The following SFI1 variants were observed in gnomAD, a reference collection of about 807,000 sequenced individuals.
SFI1 encodes protein SFI1 homolog.
Under a neutral mutation model 207.5 loss-of-function variants are expected in SFI1, and 195 were observed. The ratio of observed to expected loss-of-function variants is 0.94; its 90% CI spans 0.84 to 1.06. The LOEUF (loss-of-function observed/expected upper bound fraction) is 1.06. Ranked by LOEUF, SFI1 falls within the 50% of genes least tolerant of loss-of-function variation. SFI1 has a pLI of 0.00. For synonymous variants in SFI1, 630 were observed against 598.9 expected (o/e 1.05, Z -0.76); for missense variants, 1,634 against 1,588.0 (o/e 1.03, Z -0.49).
intron 15 of SFI1, among the ~76,000 whole-genome samples, chr22:31,593,434 T>C (rs913563192): frequency 3.1e-5 from 4 of 130,892 alleles, no homozygotes; most frequent in African/African-American, 8.9e-5. Flanking sequence ...TTCCTAGATG[T>C]GATGGCGGCT....
intron 5 of SFI1, among the ~76,000 whole-genome samples, chr22:31,548,074 G>A (rs2060259825): frequency 6.6e-6 from 1 of 151,476 alleles, no homozygotes; most frequent in Non-Finnish European, 1.5e-5. Flanking sequence ...AACAAAATTG[G>A]CTAGGCGTGG....
intron 2 of SFI1, among the ~76,000 whole-genome samples, chr22:31,523,601 A>G (rs111786523): frequency 2.6e-5 from 4 of 152,260 alleles, no homozygotes; most frequent in African/African-American, 7.2e-5. Context: ...CCACAACCCC[A>G]AGCAATGTTA....
intron 11 of SFI1, chr22:31,580,050 T>A (rs953846869): frequency 1.9e-5 from 9 of 479,054 alleles, no homozygotes; most frequent in African/African-American, 1.8e-4. Context: ...CAGGGAGGGT[T>A]CAGCAAATAT....
chr22:31,531,593 C>G (rs530203118), intron 4 of SFI1, among the ~76,000 whole-genome samples: 2 of 151,888 alleles, frequency 1.3e-5, no homozygotes, highest in South Asian at 4.2e-4. Context: ...AACCCCGTCT[C>G]TACAAAAATT....
Position 31,559,703 on chromosome 22 carries a change from T to C in SFI1, c.663-1587T>C, listed in dbSNP as rs2061492935. 3 of 832,616 alleles carry C rather than the reference T, an allele frequency of 3.6e-6. No homozygotes were observed. The East Asian group carries it at 7.5e-5, about 21-fold the overall frequency. 51.6% of individuals were successfully genotyped at this position (832,616 alleles called of 1,614,324 possible). A position where few individuals can be genotyped will look rare whatever the true frequency, so the allele number is the denominator to read the frequency against. ...TGTGATGACCATTATGCAGAATCCA[T>C]GCCAGTACAAGATCCCAGACTGGTT... On this transcript the variant is annotated intron_variant, in intron 7 of 32. Transcript: ENST00000400288.
chr22:31,498,287 G>C (rs1336901582), intron 1 of SFI1, among the ~76,000 whole-genome samples: 1 of 145,474 alleles, frequency 6.9e-6, no homozygotes, highest in Non-Finnish European at 1.5e-5. Context: ...AGAGTGATGA[G>C]ACTCCATATC....
At chr22:31,554,850 T>C (rs908863640) in intron 6 of SFI1, among the ~76,000 whole-genome samples, 1 of 152,166 alleles carries the variant, frequency 6.6e-6, no homozygotes, top group Non-Finnish European at 1.5e-5. Context: ...ACACGAATTT[T>C]AATAAGTTAT....
chr22:31,594,340 G>A (rs2066719548), intron 15 of SFI1, among the ~76,000 whole-genome samples: 1 of 151,866 alleles, frequency 6.6e-6, no homozygotes, highest in Non-Finnish European at 1.5e-5. Flanking sequence ...ACAAGGTCAA[G>A]AGTTCAAGAC....
intron 22 of SFI1, among the ~76,000 whole-genome samples, chr22:31,608,873 G>T (rs571827878): frequency 3.9e-5 from 6 of 152,212 alleles, no homozygotes; most frequent in Admixed American, 2.6e-4. Context: ...GGGCACAGTG[G>T]TACACACCTA....
rs372382815 is a variant in SFI1 at position 31,618,234 on chromosome 22, C to T, written c.3624+8C>T. 2.2e-5 allele frequency: 35 copies of T among 1,594,814 alleles called. No individual in the cohort carries two copies. Among genetic ancestry groups the T allele is most frequent in the Non-Finnish European group, 2.9e-5 (34 of 1,172,194 alleles). On this transcript the variant is annotated splice_region_variant and intron_variant, in intron 32 of 32. Coordinates refer to ENST00000400288, the MANE Select transcript of SFI1 (RefSeq NM_001007467.3). ...CAGAAAGAGCTGGAACAGGTGAGGCCCCAGGCCATCCCCAGGTGTCCCTGG... is the reference window on the plus strand; with the variant it reads ...CAGAAAGAGCTGGAACAGGTGAGGCTCCAGGCCATCCCCAGGTGTCCCTGG...
At chr22:31,583,001 G>A (rs1031198102) in intron 12 of SFI1, among the ~76,000 whole-genome samples, 2 of 152,096 alleles carry the variant, frequency 1.3e-5, no homozygotes, top group African/African-American at 2.4e-5. Flanking sequence ...GTAGCTCATC[G>A]TAGCCTCATC....
At chr22:31,612,398 A>AAATATATATATATATATAT (rs1556369798) in intron 24 of SFI1, 1 of 60,194 alleles carries the variant, frequency 1.7e-5, no homozygotes, top group African/African-American at 6.7e-5. Context: ...AAAAAAAAAA[A>AAATATATATATATATATAT]ATATATATAT....
At chr22:31,578,521 C>T (rs1374569798) in intron 11 of SFI1, 69 bp downstream of exon 11, 2 of 1,452,824 alleles carry the variant, frequency 1.4e-6, no homozygotes, top group Non-Finnish European at 1.9e-6. Flanking sequence ...TTGGGGGACC[C>T]TGACCCCTAT....
rs988521465 is a variant in SFI1, at chr22:31,573,507, G to A, written c.922+293G>A. 4.0e-5 allele frequency among the ~76,000 whole-genome samples: 6 copies of A among 149,454 alleles called. No individual in the cohort carries two copies. In the East Asian group the frequency reaches 5.9e-4, roughly 15 times the overall value. On this transcript the variant is annotated intron_variant, in intron 9 of 32. Coordinates refer to ENST00000400288, the MANE Select transcript of SFI1 (RefSeq NM_001007467.3). ...GGCTGGAGTGCAGTGGCGCAATCTC[G>A]GCTCACTGCAACCTCCGTCTCCTGG...
At chr22:31,562,362 G>T (rs1396878454) in intron 8 of SFI1, among the ~76,000 whole-genome samples, 1 of 149,976 alleles carries the variant, frequency 6.7e-6, no homozygotes, top group Non-Finnish European at 1.5e-5. Context: ...AAGAGACACA[G>T]TTCTCGCCAA....
At chr22:31,601,254 G>T (rs1214781890) in intron 15 of SFI1, among the ~76,000 whole-genome samples, 1 of 149,532 alleles carries the variant, frequency 6.7e-6, no homozygotes, top group African/African-American at 2.5e-5. Context: ...CTCCCAAGTA[G>T]CTGGGACTAC....
At chr22:31,514,480 C>A (rs937384458) in intron 2 of SFI1, among the ~76,000 whole-genome samples, 18 of 138,894 alleles carry the variant, frequency 1.3e-4, no homozygotes, top group Non-Finnish European at 4.6e-5. Context: ...TACACTCCAG[C>A]CTGGGCGACA....
rs2055013542 is a variant in SFI1, at chr22:31,508,577, G to T, written c.92+201G>T. Among the ~76,000 whole-genome samples the T allele has an allele frequency of 2.0e-5, 3 of 152,146 alleles. No individual in the cohort carries two copies. In the South Asian group the frequency reaches 6.2e-4, roughly 32 times the overall value. ...ATGTTACAGTCAAAAAACATTCTGA[G>T]TAGTGCATGGAAATATCAATCATTA... On this transcript the variant is annotated intron_variant, in intron 2 of 32. Coordinates refer to ENST00000400288, the MANE Select transcript of SFI1 (RefSeq NM_001007467.3).
chr22:31,566,390 GC>G (rs562976868), intron 8 of SFI1, among the ~76,000 whole-genome samples: 285 of 152,258 alleles, frequency 1.9e-3, no homozygotes, highest in Non-Finnish European at 3.1e-3. Context: ...ACCATGCCCG[GC>G]CCCCAGTTTC....
Sources: allele counts gnomAD v4.1 joint callset (sites outside exome capture counted in the v4.1 genomes callset), GRCh38; gene constraint gnomAD v4.1.1; transcripts MANE v1.5; gene names NCBI Gene and HGNC (gene_info 2026-07-23, HGNC 2026-07-21).